Variants in INTS9 observed in about 807,000 individuals in gnomAD.
INTS9 encodes integrator complex subunit 9, also known as protein related to CPSF subunits of 74 kDa.
INTS9 carries 55 observed loss-of-function variants against 79.7 expected under a neutral mutation model. That is an observed-to-expected ratio of 0.69 (90% CI 0.56 to 0.86). INTS9 has a LOEUF of 0.86. Among genes scored for constraint, INTS9 ranks in the 40% least tolerant of loss-of-function variants. INTS9 has a pLI of 0.00. For missense variants in INTS9, 721 were observed against 831.5 expected (o/e 0.87, Z 1.64); for synonymous variants, 319 against 325.2 (o/e 0.98, Z 0.20).
chr8:28,771,134 C>T (rs760485650), intron 14 of INTS9, 54 bp from the exon 15 acceptor site: 8 of 1,164,522 alleles, frequency 6.9e-6, no homozygotes, highest in Middle Eastern at 1.9e-4. Flanking sequence ...GACCATTACT[C>T]TTCCTTTAAT....
chr8:28,846,838 GGA>G, intron 3 of INTS9, 29 bp from the exon 4 acceptor site: 2 of 1,548,072 alleles, frequency 1.3e-6, no homozygotes, highest in Non-Finnish European at 1.8e-6. Flanking sequence ...AAAAATACAA[GGA>G]AGAGATATCC....
intron 10 of INTS9, among the ~76,000 whole-genome samples, chr8:28,792,845 G>A (rs192243142): frequency 6.6e-6 from 1 of 151,798 alleles, no homozygotes; most frequent in Admixed American, 6.6e-5. Flanking sequence ...CCCAGGAGGC[G>A]GAGGTTGCAG....
At chr8:28,833,637 CAAAAACA>C (rs1806631525) in intron 6 of INTS9, among the ~76,000 whole-genome samples, 1 of 112,692 alleles carries the variant, frequency 8.9e-6, no homozygotes, top group East Asian at 2.4e-4. Context: ...AAAACAAAAA[CAAAAACA>C]AAAACCAAAA....
At chr8:28,773,203 C>T (rs1802649607) in intron 14 of INTS9, among the ~76,000 whole-genome samples, 1 of 152,210 alleles carries the variant, frequency 6.6e-6, no homozygotes, top group Non-Finnish European at 1.5e-5. Context: ...GTGGCTCACG[C>T]CTGTAATCCC....
rs185605941 is a variant in INTS9 at position 28,780,361 on chromosome 8, A to G, written c.1270+462T>C. The G allele has an allele frequency of 3.2e-3, 3,152 of 984,990 alleles. 3 individuals carry two copies. Among genetic ancestry groups the G allele is most frequent in the Non-Finnish European group, 3.6e-3 (2,990 of 829,694 alleles). 61.0% of individuals were successfully genotyped at this position (984,990 alleles called of 1,614,324 possible). A position where few individuals can be genotyped will look rare whatever the true frequency, so the allele number is the denominator to read the frequency against. Reference sequence around the variant, plus strand: ...GGGCACGCTACACTGATAAAATGATACAGTCATTATCTATGTAAACACTCT... The same window carrying G: ...GGGCACGCTACACTGATAAAATGATGCAGTCATTATCTATGTAAACACTCT... On this transcript the variant is annotated intron_variant, in intron 12 of 16. Coordinates refer to ENST00000521022, the MANE Select transcript of INTS9 (RefSeq NM_018250.4).
At chr8:28,871,506 G>C (rs1393017887) in intron 1 of INTS9, among the ~76,000 whole-genome samples, 1 of 152,018 alleles carries the variant, frequency 6.6e-6, no homozygotes, top group East Asian at 1.9e-4. Context: ...CTGGGCTCAA[G>C]CAATCCTCCC....
intron 1 of INTS9, among the ~76,000 whole-genome samples, chr8:28,886,471 T>C (rs1810182745): frequency 6.6e-6 from 1 of 152,172 alleles, no homozygotes; most frequent in African/African-American, 2.4e-5. Flanking sequence ...GGTCTAGAAC[T>C]CCTGATCTCA....
At chr8:28,784,700 G>A (rs1803480543) in intron 11 of INTS9, among the ~76,000 whole-genome samples, 1 of 152,200 alleles carries the variant, frequency 6.6e-6, no homozygotes, top group Non-Finnish European at 1.5e-5. Flanking sequence ...CCTTAGTTGA[G>A]GAGGGGTTAT....
chr8:28,773,984 T>C (rs1347187960), intron 14 of INTS9, among the ~76,000 whole-genome samples: 1 of 152,192 alleles, frequency 6.6e-6, no homozygotes, highest in Non-Finnish European at 1.5e-5. Context: ...CACGCCCAGC[T>C]AATTTTTTTT....
chr8:28,794,656 G>C (rs979581871), intron 9 of INTS9, among the ~76,000 whole-genome samples: 3 of 152,170 alleles, frequency 2.0e-5, no homozygotes, highest in African/African-American at 7.2e-5. Flanking sequence ...CTCAGTTTCT[G>C]CATCAGTTAC....
intron 5 of INTS9, among the ~76,000 whole-genome samples, chr8:28,836,609 T>A (rs1372496515): frequency 1.3e-5 from 2 of 152,222 alleles, no homozygotes; most frequent in Non-Finnish European, 2.9e-5. Flanking sequence ...TCTCAAGACC[T>A]GTGATTCAGG....
chr8:28,769,906 C>G lies in INTS9; in HGVS notation c.1783G>C (p.Val595Leu), dbSNP rs138837940. 1.2e-6 allele frequency: 2 copies of G among 1,614,154 alleles called. No homozygotes were observed. Among genetic ancestry groups the G allele is most frequent in the East Asian group, 4.5e-5 (2 of 44,886 alleles). Residue 595 changes from valine to leucine, a missense_variant, in exon 16 of 17, where the codon GTG becomes CTG. This residue lies in a region of INTS9 where 281 missense variants were observed against 300.8 expected (regional missense o/e 0.93). Transcript: ENST00000521022. ...LSGSIPVEQF[V>L]QTLEKHGFSD... is the part of the protein sequence containing the mutation. ...CAGCTCACCTTCTCCAGGGTCTGCA[C>G]GAACTGCTCCACAGGGATGGAACCG...
rs959092354 is a variant in INTS9 at position 28,844,211 on chromosome 8, G to A, written c.261+2536C>T. On this transcript the variant is annotated intron_variant, in intron 4 of 16. Transcript: ENST00000521022. The stretch of plus-strand genomic sequence containing the variant: ...TCTTTTGAGTGCAAATCGTTGTCAC[G>A]TATGGTCTGTAAATGTTGATGTGCA... Among the ~76,000 whole-genome samples, 11 of 152,312 alleles carry A rather than the reference G, an allele frequency of 7.2e-5. No homozygotes were observed. In the East Asian group the frequency reaches 1.5e-3, roughly 21 times the overall value.
intron 6 of INTS9, among the ~76,000 whole-genome samples, chr8:28,827,667 GT>G (rs1806230757): frequency 6.6e-6 from 1 of 152,052 alleles, no homozygotes; most frequent in Non-Finnish European, 1.5e-5. Context: ...CAGAAACTAG[GT>G]TACAACCCCT....
chr8:28,847,494 C>CAACCACCACTACTACCACCTCCACCAA (rs1807595094), intron 3 of INTS9, among the ~76,000 whole-genome samples: 1 of 152,126 alleles, frequency 6.6e-6, no homozygotes, highest in Non-Finnish European at 1.5e-5. Flanking sequence ...ACCTCCACCA[C>CAACCACCACTACTACCACCTCCACCAA]AACCACCACT....
At chr8:28,876,218 G>A (rs1313776901) in intron 1 of INTS9, among the ~76,000 whole-genome samples, 1 of 152,086 alleles carries the variant, frequency 6.6e-6, no homozygotes, top group African/African-American at 2.4e-5. Context: ...TTTCTTTTAA[G>A]GTCATAGAAA....
chr8:28,811,465 G>A (rs13280405), intron 8 of INTS9, among the ~76,000 whole-genome samples: 30,525 of 147,894 alleles, frequency 0.21, 3,518 homozygotes, highest in East Asian at 0.48. Context: ...TCTGTTACCC[G>A]CACTGGAGTA....
chr8:28,883,778 G>A (rs1436475411), intron 1 of INTS9, among the ~76,000 whole-genome samples: 1 of 152,144 alleles, frequency 6.6e-6, no homozygotes, highest in African/African-American at 2.4e-5. Context: ...AGCAATGCCT[G>A]GTACAGAGCA....
Position 28,771,061 on chromosome 8 carries a change from G to A in INTS9, c.1583C>T (p.Pro528Leu), listed in dbSNP as rs777080588. The change falls in exon 15 of 17, where the codon CCC becomes CTC. Residue 528 changes from proline (P) to leucine (L), a missense_variant. Physicochemically the swap from Pro to Leu is moderately conservative, Grantham distance 98. Around this residue, in one of 3 missense-constraint regions of INTS9, gnomAD observed 281 missense variants for 300.8 expected, o/e 0.93. Transcript: ENST00000521022. ...IMPELADSLV[P>L]MEIKPGISLA... ...GGAGATGCCAGGCTTGATCTCCATGGGCACCAGTGAATCTGCGAGCTGAAA... is the reference window on the plus strand; with the variant it reads ...GGAGATGCCAGGCTTGATCTCCATGAGCACCAGTGAATCTGCGAGCTGAAA... 8.1e-6 allele frequency: 13 copies of A among 1,611,400 alleles called. No individual in the cohort carries two copies. The highest frequency in any genetic ancestry group is 3.3e-5 in the Admixed American group (2 of 59,724).
Sources: gnomAD v4.1 joint callset for allele counts (sites outside exome capture counted in the v4.1 genomes callset) on GRCh38, gnomAD v4.1.1 for gene constraint, gnomAD v4.1.1 regional missense constraint, MANE v1.5 for transcripts, NCBI Gene and HGNC (gene_info 2026-07-23, HGNC 2026-07-21) for gene names.